Variants in EXOC6B observed in about 807,000 individuals in gnomAD.
The protein encoded by EXOC6B is exocyst complex component 6B.
In EXOC6B, 54 loss-of-function variants were observed where a neutral mutation model predicts 113.5. The ratio of observed to expected loss-of-function variants is 0.48; its 90% CI spans 0.38 to 0.60. EXOC6B has a LOEUF of 0.60. Ranked by LOEUF, EXOC6B falls within the 20% of genes least tolerant of loss-of-function variation. The probability of loss-of-function intolerance (pLI) is 0.00; values close to 1 mark genes in which losing one functional copy is unlikely to be tolerated. For missense variants in EXOC6B, 797 were observed against 977.5 expected (o/e 0.82, Z 2.46); for synonymous variants, 357 against 339.0 (o/e 1.05, Z -0.58).
chr2:72,511,874 G>A (rs1271569120), intron 11 of EXOC6B, among the ~76,000 whole-genome samples: 1 of 152,080 alleles, frequency 6.6e-6, no homozygotes, highest in African/African-American at 2.4e-5. Context: ...TTAGAAAAGA[G>A]AGTTCATGGG....
intron 17 of EXOC6B, among the ~76,000 whole-genome samples, chr2:72,474,963 G>A (rs1698642921): frequency 6.6e-6 from 1 of 152,160 alleles, no homozygotes; most frequent in African/African-American, 2.4e-5. Context: ...GGACACTTTG[G>A]TTGTTATTTT....
chr2:72,198,314 GC>G (rs1679293351), intron 20 of EXOC6B, among the ~76,000 whole-genome samples: 3 of 152,302 alleles, frequency 2.0e-5, no homozygotes, highest in Admixed American at 1.3e-4. Flanking sequence ...CTCTCACAGA[GC>G]AGGCTGCCTC....
intron 1 of EXOC6B, among the ~76,000 whole-genome samples, chr2:72,814,502 T>C (rs879160175): frequency 6.6e-6 from 1 of 152,354 alleles, no homozygotes; most frequent in Middle Eastern, 3.4e-3. Context: ...CCAGTCCATA[T>C]GTATTATCAT....
chr2:72,583,438 T>A (rs1198558476), intron 6 of EXOC6B, among the ~76,000 whole-genome samples: 1 of 152,048 alleles, frequency 6.6e-6, no homozygotes, highest in Non-Finnish European at 1.5e-5. Flanking sequence ...GAAAGAAAAA[T>A]CTTGATAGTA....
At chr2:72,814,605 A>C (rs1488205547) in intron 1 of EXOC6B, among the ~76,000 whole-genome samples, 1 of 152,260 alleles carries the variant, frequency 6.6e-6, no homozygotes, top group African/African-American at 2.4e-5. Flanking sequence ...AAGATCTAAC[A>C]GGTTTGCAGG....
intron 6 of EXOC6B, among the ~76,000 whole-genome samples, chr2:72,597,431 T>G (rs1446034031): frequency 6.6e-6 from 1 of 151,864 alleles, no homozygotes; most frequent in African/African-American, 2.4e-5. Flanking sequence ...GTAAAAATTT[T>G]TAAAGAAAGT....
intron 18 of EXOC6B, among the ~76,000 whole-genome samples, chr2:72,422,652 C>G (rs1297293518): frequency 6.6e-6 from 1 of 151,528 alleles, no homozygotes; most frequent in East Asian, 1.9e-4. Flanking sequence ...TATCTAGCTG[C>G]TGTGGTAGGG....
chr2:72,266,134 A>T (rs1470419996), intron 20 of EXOC6B, among the ~76,000 whole-genome samples: 2 of 151,806 alleles, frequency 1.3e-5, no homozygotes, highest in Non-Finnish European at 2.9e-5. Context: ...GTTTGAGTTC[A>T]TTGTAGATTC....
chr2:72,623,006 G>A (rs1367399233), intron 6 of EXOC6B, among the ~76,000 whole-genome samples: 2 of 152,114 alleles, frequency 1.3e-5, no homozygotes, highest in African/African-American at 4.8e-5. Flanking sequence ...GAACTGGAAG[G>A]GGGCAAGAGA....
At chr2:72,324,851 C>A (rs2104842487) in intron 20 of EXOC6B, among the ~76,000 whole-genome samples, 1 of 152,166 alleles carries the variant, frequency 6.6e-6, no homozygotes, top group African/African-American at 2.4e-5. Context: ...TAGACCGAGG[C>A]AGAATTTTCT....
At chr2:72,581,591 G>T (rs1184011961) in intron 6 of EXOC6B, among the ~76,000 whole-genome samples, 1 of 152,068 alleles carries the variant, frequency 6.6e-6, no homozygotes, top group South Asian at 2.1e-4. Context: ...CATCTTTAAA[G>T]TTCTCATAGT....
chr2:72,651,625 T>C (rs11677707), intron 6 of EXOC6B, among the ~76,000 whole-genome samples: 2 of 152,078 alleles, frequency 1.3e-5, no homozygotes, highest in African/African-American at 4.8e-5. Context: ...ACTTTGTGAC[T>C]GGAATGTTTT....
chr2:72,269,438 A>G (rs1254706680), intron 20 of EXOC6B, among the ~76,000 whole-genome samples: 2 of 152,170 alleles, frequency 1.3e-5, no homozygotes, highest in South Asian at 2.1e-4. Context: ...AATGCTTGCT[A>G]TTTTAGGTAT....
chr2:72,685,534 T>G (rs975396773), intron 6 of EXOC6B, among the ~76,000 whole-genome samples: 2 of 152,014 alleles, frequency 1.3e-5, no homozygotes, highest in Admixed American at 6.6e-5. Flanking sequence ...ATGGTAACTG[T>G]TTTTTTGATC....
chr2:72,594,446 T>C (rs1669940167), intron 6 of EXOC6B, among the ~76,000 whole-genome samples: 1 of 152,172 alleles, frequency 6.6e-6, no homozygotes, highest in Non-Finnish European at 1.5e-5. Flanking sequence ...AGCACAGTGC[T>C]TTACAATGAC....
At chr2:72,262,123 G>T (rs1174438150) in intron 20 of EXOC6B, among the ~76,000 whole-genome samples, 1 of 152,056 alleles carries the variant, frequency 6.6e-6, no homozygotes, top group East Asian at 1.9e-4. Context: ...TTTCAATATG[G>T]ATAACAGAGT....
chr2:72,312,891 G>C (rs991665332), intron 20 of EXOC6B, among the ~76,000 whole-genome samples: 3 of 151,204 alleles, frequency 2.0e-5, no homozygotes, highest in Admixed American at 2.0e-4. Context: ...ATACAAAGCA[G>C]AGACATTCCC....
At chr2:72,323,207 T>C (rs1687940872) in intron 20 of EXOC6B, among the ~76,000 whole-genome samples, 1 of 152,164 alleles carries the variant, frequency 6.6e-6, no homozygotes, top group Non-Finnish European at 1.5e-5. Flanking sequence ...AGAAGACATT[T>C]ATGCAGCCAA....
At chr2:72,784,728 G>A (rs1684270945) in intron 1 of EXOC6B, among the ~76,000 whole-genome samples, 1 of 152,134 alleles carries the variant, frequency 6.6e-6, no homozygotes, top group Admixed American at 6.5e-5. Context: ...CACAACACGT[G>A]GGAATTCTGG....
Sources: gnomAD v4.1 joint callset for allele counts (sites outside exome capture counted in the v4.1 genomes callset) on GRCh38, gnomAD v4.1.1 for gene constraint, MANE v1.5 for transcripts, NCBI Gene and HGNC (gene_info 2026-07-23, HGNC 2026-07-21) for gene names.